The following DLGAP1 variants were observed in gnomAD, a reference collection of about 807,000 sequenced individuals.
DLGAP1 encodes DLG associated protein 1.
In DLGAP1, 11 loss-of-function variants were observed where a neutral mutation model predicts 90.8. The observed-to-expected ratio is 0.12, with a 90% CI of 0.08 to 0.20. The LOEUF (loss-of-function observed/expected upper bound fraction) is 0.20, where lower values mean the gene tolerates loss of function less well. DLGAP1 is among the 10% of genes least tolerant of loss of function. DLGAP1 has a pLI of 1.00. For synonymous variants in DLGAP1, 558 were observed against 540.7 expected, an observed-to-expected ratio of 1.03 and a Z score of -0.44; for missense variants, 1,050 against 1,333.8, an observed-to-expected ratio of 0.79 and a Z score of 3.31.
intron 1 of DLGAP1, among the ~76,000 whole-genome samples, chr18:4,282,180 C>T (rs955830031): frequency 2.2e-4 from 34 of 152,014 alleles, no homozygotes; most frequent in African/African-American, 6.5e-4. Flanking sequence ...CTGGCTAACA[C>T]GGTGAAACTC....
intron 2 of DLGAP1, among the ~76,000 whole-genome samples, chr18:4,142,517 C>T (rs1484090530): frequency 6.6e-6 from 1 of 152,170 alleles, no homozygotes; most frequent in Non-Finnish European, 1.5e-5. Context: ...ACGTATTCCA[C>T]AAATAGATTT....
intron 2 of DLGAP1, among the ~76,000 whole-genome samples, chr18:4,014,107 T>C (rs1402326094): frequency 7.4e-6 from 1 of 134,796 alleles, no homozygotes; most frequent in Non-Finnish European, 1.6e-5. Flanking sequence ...TTTTTTGAGA[T>C]GGAGTCTCAC....
At chr18:3,832,636 T>A (rs1411500565) in intron 4 of DLGAP1, among the ~76,000 whole-genome samples, 1 of 151,848 alleles carries the variant, frequency 6.6e-6, no homozygotes, top group Non-Finnish European at 1.5e-5. Context: ...AAAAAAAAAA[T>A]GTTTTGTGTT....
rs1032017991 is a variant in DLGAP1 at position 3,813,868 on chromosome 18, G to A, written c.1172+191C>T. 1.4e-4 allele frequency among the ~76,000 whole-genome samples: 22 copies of A among 152,054 alleles called. 1 individual carries two copies. Among genetic ancestry groups the A allele is most frequent in the African/African-American group, 5.3e-4 (22 of 41,412 alleles). ...AGGGGTTCAGCTTATGATCAATGCA[G>A]AACACATCTGTTGCCTCTCTCTACA... On this transcript the variant is annotated intron_variant, in intron 5 of 12. Coordinates refer to ENST00000315677, the MANE Select transcript of DLGAP1 (RefSeq NM_004746.4).
At chr18:4,009,209 G>A (rs1251677641) in intron 2 of DLGAP1, among the ~76,000 whole-genome samples, 1 of 152,148 alleles carries the variant, frequency 6.6e-6, no homozygotes. Context: ...GGCCGCCACC[G>A]AGTCTCTTTA....
chr18:4,203,178 G>A (rs537716829), intron 1 of DLGAP1, among the ~76,000 whole-genome samples: 1 of 151,852 alleles, frequency 6.6e-6, no homozygotes, highest in South Asian at 2.1e-4. Context: ...GAGAGGCTGA[G>A]GCAGGAGACT....
At position 3,943,451 on chromosome 18, in the gene DLGAP1, G is replaced by GTTTTT. The variant is rs11453774; in HGVS notation, c.-73+61660_-73+61664dup. ...AGGATTATCTACTGTGAAAGAGAGG[G>GTTTTT]TTTTTTTTTTTTTTTTTTCTGGCAT... On this transcript the variant is annotated intron_variant, in intron 3 of 12. Transcript: ENST00000315677. 4.6e-4 allele frequency among the ~76,000 whole-genome samples: 61 copies of GTTTTT among 131,218 alleles called. 2 individuals carry two copies. The South Asian group carries it at 8.0e-3, about 17-fold the overall frequency. 86.1% of individuals were successfully genotyped at this position (131,218 alleles called of 152,430 possible). A position where few individuals can be genotyped will look rare whatever the true frequency, so the allele number is the denominator to read the frequency against.
intron 1 of DLGAP1, among the ~76,000 whole-genome samples, chr18:4,252,236 T>G (rs1161088667): frequency 6.6e-6 from 1 of 152,216 alleles, no homozygotes; most frequent in South Asian, 2.1e-4. Context: ...AGGTATTCTA[T>G]GGAATTTTGG....
chr18:4,266,143 C>A (rs925000791), intron 1 of DLGAP1, among the ~76,000 whole-genome samples: 1 of 152,144 alleles, frequency 6.6e-6, no homozygotes, highest in Non-Finnish European at 1.5e-5. Flanking sequence ...TTTCATTTAG[C>A]TGATTTTTCA....
rs140809934 is a variant in DLGAP1 at position 4,097,633 on chromosome 18, C to T, written c.-159+53547G>A. ...GTGCAACAGATAGTTATATTCTGAA[C>T]GGAACCAATACAGATAAATCCCAGT... On this transcript the variant is annotated intron_variant, in intron 2 of 12. Transcript: ENST00000315677. Among the ~76,000 whole-genome samples, 176 of 152,304 alleles carry T rather than the reference C, an allele frequency of 1.2e-3. 1 individual carries two copies. In the East Asian group the frequency reaches 0.021, roughly 18 times the overall value.
intron 5 of DLGAP1, among the ~76,000 whole-genome samples, chr18:3,788,882 C>G (rs1245309784): frequency 6.6e-6 from 1 of 152,214 alleles, no homozygotes; most frequent in Admixed American, 6.5e-5. Context: ...ATGAACAAAA[C>G]AGTGAAAACA....
chr18:3,588,552 C>T (rs2056034911), intron 7 of DLGAP1, among the ~76,000 whole-genome samples: 1 of 151,900 alleles, frequency 6.6e-6, no homozygotes, highest in African/African-American at 2.4e-5. Flanking sequence ...GATGCTGAGG[C>T]AGGTGGATCA....
chr18:3,803,483 G>C lies in DLGAP1; in HGVS notation c.1172+10576C>G, dbSNP rs969808728. Among the ~76,000 whole-genome samples, 3 of 152,162 alleles carry C rather than the reference G, an allele frequency of 2.0e-5. No individual in the cohort carries two copies. In the South Asian group the frequency reaches 6.2e-4, roughly 32 times the overall value. The stretch of plus-strand genomic sequence containing the variant: ...GGCACAGGAATGATGCTACCGAGGT[G>C]GTGGCAATTTTATATGCAGTTGGTA... On this transcript the variant is annotated intron_variant, in intron 5 of 12. Transcript: ENST00000315677.
chr18:4,441,568 C>A (rs1345265838), intron 1 of DLGAP1, among the ~76,000 whole-genome samples: 1 of 152,146 alleles, frequency 6.6e-6, no homozygotes, highest in African/African-American at 2.4e-5. Context: ...AGCAGCTTTG[C>A]CTTCAGACTA....
intron 8 of DLGAP1, chr18:3,571,143 G>A (rs1403341770): frequency 6.6e-6 from 1 of 151,798 alleles, no homozygotes; most frequent in Non-Finnish European, 1.5e-5. Flanking sequence ...TTTTTACTAT[G>A]TAGTATTCCT....
intron 5 of DLGAP1, among the ~76,000 whole-genome samples, chr18:3,807,091 C>G (rs1484696734): frequency 6.6e-6 from 1 of 152,216 alleles, no homozygotes; most frequent in Admixed American, 6.5e-5. Flanking sequence ...GAGGCTAAGC[C>G]TGAGTCAAGA....
At chr18:4,425,148 A>G (rs2083124741) in intron 1 of DLGAP1, among the ~76,000 whole-genome samples, 1 of 152,110 alleles carries the variant, frequency 6.6e-6, no homozygotes, top group African/African-American at 2.4e-5. Flanking sequence ...TCTAGAAAAA[A>G]TATTTCAAAA....
At chr18:4,157,627 T>C (rs1253076105) in intron 1 of DLGAP1, among the ~76,000 whole-genome samples, 2 of 152,126 alleles carry the variant, frequency 1.3e-5, no homozygotes, top group African/African-American at 2.4e-5. Context: ...CAGTGTTTTG[T>C]GGGCAAAGTC....
At chr18:3,607,243 G>A (rs2057367834) in intron 7 of DLGAP1, 1 of 152,026 alleles carries the variant, frequency 6.6e-6, no homozygotes, top group African/African-American at 2.4e-5. Flanking sequence ...CTGTTACCCA[G>A]GCTCACTGCA....
Sources: gnomAD v4.1 joint callset for allele counts (sites outside exome capture counted in the v4.1 genomes callset) on GRCh38, gnomAD v4.1.1 for gene constraint, MANE v1.5 for transcripts, NCBI Gene and HGNC (gene_info 2026-07-23, HGNC 2026-07-21) for gene names.